The following CLEC20A variants were observed in gnomAD, a reference collection of about 807,000 sequenced individuals.
CLEC20A encodes putative C-type lectin domain family 20 member A.
In CLEC20A at chr1:178,492,273, G is replaced by A. The variant is rs540995159; in HGVS notation, c.463+228C>T. 1.1e-4 allele frequency among the ~76,000 whole-genome samples: 16 copies of A among 151,604 alleles called. No individual in the cohort carries two copies. The East Asian group carries it at 2.7e-3, about 26-fold the overall frequency. ...CCTGGGAGACAGAGTGAGACCATCCGTGTCTTAAAAAAATAAAAAATAAAA... is the reference window on the plus strand; with the variant it reads ...CCTGGGAGACAGAGTGAGACCATCCATGTCTTAAAAAAATAAAAAATAAAA... On this transcript the variant is annotated intron_variant, in intron 3 of 7. Coordinates refer to ENST00000623247, the Ensembl canonical transcript of CLEC20A.
At chr1:178,488,399 A>C (rs1649199109) in intron 5 of CLEC20A, 102 bp downstream of exon 5, 1 of 397,572 alleles carries the variant, frequency 2.5e-6, no homozygotes, top group East Asian at 3.6e-5. Context: ...TTCTAGGCAT[A>C]CACTGGCCCT....
intron 1 of CLEC20A, 127 bp downstream of exon 1, chr1:178,496,773 A>G: frequency 2.5e-6 from 1 of 398,334 alleles, no homozygotes. Context: ...AAAAGCATTC[A>G]TTTCTTTCCA....
chr1:178,489,591 A>G (rs1302701696), intron 4 of CLEC20A, among the ~76,000 whole-genome samples: 1 of 152,076 alleles, frequency 6.6e-6, no homozygotes, highest in Non-Finnish European at 1.5e-5. Context: ...GCTCCCGTCC[A>G]CCGGGGCCCA....
At chr1:178,486,871 A>T (rs2101866836) in intron 5 of CLEC20A, 1 of 398,120 alleles carries the variant, frequency 2.5e-6, no homozygotes, top group South Asian at 1.3e-4. Flanking sequence ...CGGGGCCGCG[A>T]GGTTGGCCGA....
chr1:178,487,743 A>C (rs992213555), intron 5 of CLEC20A, among the ~76,000 whole-genome samples: 2 of 152,178 alleles, frequency 1.3e-5, no homozygotes, highest in Non-Finnish European at 2.9e-5. Context: ...ACAGGACTCC[A>C]TCCACACTTT....
intron 5 of CLEC20A, among the ~76,000 whole-genome samples, chr1:178,485,020 A>G (rs1649100582): frequency 6.6e-6 from 1 of 152,250 alleles, no homozygotes; most frequent in Non-Finnish European, 1.5e-5. Context: ...ATAAATGTGT[A>G]AAATTCAGAA....
chr1:178,491,501 T>A (rs1649266575), intron 3 of CLEC20A, among the ~76,000 whole-genome samples: 1 of 152,172 alleles, frequency 6.6e-6, no homozygotes, highest in African/African-American at 2.4e-5. Flanking sequence ...GAGCTATGCA[T>A]GTGGCCTGTG....
intron 5 of CLEC20A, chr1:178,486,354 C>G (rs2455862): frequency 7.5e-6 from 3 of 398,024 alleles, no homozygotes; most frequent in Non-Finnish European, 1.3e-5. Flanking sequence ...CAGGCCTGGT[C>G]GCCCCAAGAG....
chr1:178,487,542 TA>T (rs1649179103), intron 5 of CLEC20A, among the ~76,000 whole-genome samples: 1 of 152,178 alleles, frequency 6.6e-6, no homozygotes, highest in Non-Finnish European at 1.5e-5. Flanking sequence ...CCAATAGTTA[TA>T]AAGTCACCTC....
chr1:178,492,172 C>T (rs1224125232), intron 3 of CLEC20A, among the ~76,000 whole-genome samples: 2 of 152,080 alleles, frequency 1.3e-5, no homozygotes, highest in Admixed American at 1.3e-4. Context: ...GTAGTACCAG[C>T]TACTCAGGAG....
At chr1:178,486,610 C>T (rs1249992515) in intron 5 of CLEC20A, 2 of 398,510 alleles carry the variant, frequency 5.0e-6, no homozygotes, top group South Asian at 2.5e-4. Context: ...GCCGAGGCCC[C>T]GGCTGGATGT....
chr1:178,496,866 G>A (rs1649406402), intron 1 of CLEC20A, 34 bp downstream of exon 1: 4 of 398,568 alleles, frequency 1.0e-5, no homozygotes. Flanking sequence ...GGAGCATGGA[G>A]CCAGGCACCC....
upstream of CLEC20A, among the ~76,000 whole-genome samples, chr1:178,499,095 A>G (rs370479081): frequency 2.0e-5 from 3 of 152,194 alleles, no homozygotes; most frequent in African/African-American, 7.2e-5. Flanking sequence ...AAGTCTTTCC[A>G]GGAAGGGCCC....
At chr1:178,495,636 T>C (rs911501587) in intron 1 of CLEC20A, among the ~76,000 whole-genome samples, 1 of 149,856 alleles carries the variant, frequency 6.7e-6, no homozygotes, top group East Asian at 2.0e-4. Flanking sequence ...GCCAGCCACA[T>C]CACAAGGGCT....
chr1:178,496,492 C>G (rs1313812212), intron 1 of CLEC20A: 1 of 178,320 alleles, frequency 5.6e-6, no homozygotes, highest in African/African-American at 2.3e-5. Context: ...ACCCACGGCT[C>G]CCTTTCTCCG....
At chr1:178,486,385 G>A (rs1224366170) in intron 5 of CLEC20A, 1 of 398,544 alleles carries the variant, frequency 2.5e-6, no homozygotes, top group Non-Finnish European at 4.4e-6. Context: ...CAAGATGCTT[G>A]GGCCTGCCTG....
At chr1:178,485,010 A>T (rs891040465) in intron 5 of CLEC20A, among the ~76,000 whole-genome samples, 8 of 152,220 alleles carry the variant, frequency 5.3e-5, no homozygotes, top group African/African-American at 1.2e-4. Context: ...AATAAAGTGG[A>T]TAAATGTGTA....
At chr1:178,483,971 AG>A (rs1442851008) in intron 5 of CLEC20A, 3 of 152,356 alleles carry the variant, frequency 2.0e-5, no homozygotes, top group African/African-American at 7.2e-5. Context: ...TTGCTGTAGA[AG>A]GTCCTTCACA....
At chr1:178,490,480 G>T in intron 3 of CLEC20A, 43 bp from the exon 4 acceptor site, 1 of 398,504 alleles carries the variant, frequency 2.5e-6, no homozygotes, top group Non-Finnish European at 4.4e-6. Context: ...GAGGGCCTGG[G>T]TCTCTGACAG....
Sources: allele counts gnomAD v4.1 joint callset (sites outside exome capture counted in the v4.1 genomes callset), GRCh38; gene constraint gnomAD v4.1.1; transcripts MANE v1.5; gene names NCBI Gene and HGNC (gene_info 2026-07-23, HGNC 2026-07-21).